The following LIPA variants were observed in gnomAD, a reference collection of about 807,000 sequenced individuals.
The protein encoded by LIPA is lipase A, lysosomal acid type, also known as lysosomal acid lipase/cholesteryl ester hydrolase.
Under a neutral mutation model 40.6 loss-of-function variants are expected in LIPA, and 26 were observed. That is an observed-to-expected ratio of 0.64 (90% CI 0.47 to 0.89). The LOEUF is 0.89. Among genes scored for constraint, LIPA ranks in the 40% least tolerant of loss-of-function variants. The pLI is 0.00. For missense variants in LIPA, 455 were observed against 479.6 expected, an observed-to-expected ratio of 0.95 and a Z score of 0.48; for synonymous variants, 188 against 168.4, an observed-to-expected ratio of 1.12 and a Z score of -0.90.
At chr10:89,407,842 G>A (rs1841436415) in intron 2 of LIPA, among the ~76,000 whole-genome samples, 1 of 150,926 alleles carries the variant, frequency 6.6e-6, no homozygotes, top group South Asian at 2.1e-4. Flanking sequence ...AGAATGTGTA[G>A]GTAAGGGCCA....
upstream of LIPA, among the ~76,000 whole-genome samples, chr10:89,253,321 G>C (rs974329337): frequency 6.6e-6 from 1 of 152,174 alleles, no homozygotes; most frequent in Admixed American, 6.5e-5. Context: ...GACTGGGGAG[G>C]CCTCACAATC....
At chr10:89,333,779 C>CT (rs1231519866) in intron 1 of LIPA, among the ~76,000 whole-genome samples, 1 of 152,224 alleles carries the variant, frequency 6.6e-6, no homozygotes, top group African/African-American at 2.4e-5. Context: ...TTCCCAGAGC[C>CT]TTGCTGCTCA....
At chr10:89,253,510 CAT>C (rs1049062643), upstream of LIPA, among the ~76,000 whole-genome samples, 3 of 152,330 alleles carry the variant, frequency 2.0e-5, no homozygotes, top group African/African-American at 7.2e-5. Context: ...CCTCCCACAA[CAT>C]GTGGGAATTA....
At chr10:89,232,643 T>C (rs1237376916) in intron 3 of LIPA, among the ~76,000 whole-genome samples, 1 of 152,052 alleles carries the variant, frequency 6.6e-6, no homozygotes, top group Non-Finnish European at 1.5e-5. Context: ...AGGAGGGTGA[T>C]ATGTGGCAGC....
In LIPA at chr10:89,223,769, T is replaced by C. The variant is rs762794648; in HGVS notation, c.737A>G (p.His246Arg). 7 of 1,613,904 alleles carry C rather than the reference T, an allele frequency of 4.3e-6. No homozygotes were observed. Among genetic ancestry groups the C allele is most frequent in the Non-Finnish European group, 1.7e-6 (2 of 1,179,818 alleles). The change falls in exon 7 of 10, where the codon CAC (histidine) becomes CGC (arginine). Residue 246 changes from histidine (H) to arginine (R), a missense_variant. Physicochemically the swap from His to Arg is conservative, Grantham distance 29 (BLOSUM62 0). Transcript: ENST00000336233. ...CTTCAGTATGACATGAGTGCAAACG[T>C]GGGTACCCAGCCACTTCAAAAACGC... ...QSAFLKWLGT[H>R]VCTHVILKEL...
chr10:89,282,655 A>G (rs1016998746), intron 1 of LIPA, among the ~76,000 whole-genome samples: 4 of 152,118 alleles, frequency 2.6e-5, no homozygotes, highest in Admixed American at 1.3e-4. Flanking sequence ...AAATAAAAAA[A>G]AAAGAAAGAA....
chr10:89,273,893 A>G (rs1171196214), intron 1 of LIPA, among the ~76,000 whole-genome samples: 1 of 152,228 alleles, frequency 6.6e-6, no homozygotes, highest in African/African-American at 2.4e-5. Context: ...GTTTTTGTAA[A>G]TAAAGTTTTA....
At chr10:89,341,127 G>A (rs1255236503) in intron 1 of LIPA, among the ~76,000 whole-genome samples, 1 of 152,122 alleles carries the variant, frequency 6.6e-6, no homozygotes, top group Non-Finnish European at 1.5e-5. Context: ...CCCTCCCCCT[G>A]AAGGCAGCCT....
chr10:89,234,369 A>T (rs1332292035), intron 3 of LIPA, among the ~76,000 whole-genome samples: 1 of 152,202 alleles, frequency 6.6e-6, no homozygotes, highest in Non-Finnish European at 1.5e-5. Context: ...GTTTCCTTTC[A>T]TCCCAGAACA....
intron 1 of LIPA, among the ~76,000 whole-genome samples, chr10:89,301,466 T>C (rs193043579): frequency 6.6e-6 from 1 of 152,172 alleles, no homozygotes; most frequent in Non-Finnish European, 1.5e-5. Flanking sequence ...TGTAAATGTG[T>C]CCTCCTAGGA....
chr10:89,391,957 G>T (rs187051144), intron 2 of LIPA, among the ~76,000 whole-genome samples: 73 of 152,302 alleles, frequency 4.8e-4, no homozygotes, highest in African/African-American at 1.7e-3. Flanking sequence ...AGTGGAGGTT[G>T]TACTGGAATT....
At chr10:89,340,809 T>C (rs931787323) in intron 1 of LIPA, 1 of 152,178 alleles carries the variant, frequency 6.6e-6, no homozygotes, top group South Asian at 2.1e-4. Flanking sequence ...CATCCAGACT[T>C]CTGGAACTCA....
At chr10:89,215,329 G>T (rs1487891891) in intron 9 of LIPA, among the ~76,000 whole-genome samples, 1 of 152,170 alleles carries the variant, frequency 6.6e-6, no homozygotes, top group Non-Finnish European at 1.5e-5. Context: ...TTAATCCCCG[G>T]CAAGGAAGGT....
At position 89,231,744 on chromosome 10, in the gene LIPA, C is replaced by T. The variant is rs185944008; in HGVS notation, c.230-3346G>A. Among the ~76,000 whole-genome samples the T allele has an allele frequency of 7.8e-4, 119 of 152,250 alleles. 1 individual carries two copies. Among genetic ancestry groups the T allele is most frequent in the Non-Finnish European group, 1.2e-3 (79 of 68,022 alleles). ...TCTCTCGCCTTGGCCTCTCAAAGTG[C>T]GGGGATTACAGAAGTGAAACATCAT... is the stretch of plus-strand genomic sequence containing the variant. On this transcript the variant is annotated intron_variant, in intron 3 of 9. Transcript: ENST00000336233.
At position 89,393,414 on chromosome 10, in the gene LIPA, G is replaced by A. The variant is rs1465971179; in HGVS notation, c.61+19377C>T. 9 of 737,582 alleles carry A rather than the reference G, an allele frequency of 1.2e-5. No homozygotes were observed. The East Asian group carries it at 5.4e-4, about 44-fold the overall frequency. 45.7% of individuals were successfully genotyped at this position (737,582 alleles called of 1,614,324 possible). A position where few individuals can be genotyped will look rare whatever the true frequency, so the allele number is the denominator to read the frequency against. ...ATCTTCCTTACCTAAAGGGCCTAAT[G>A]TGGGAATTTCTCAGCTGATTTAAAA... On this transcript the variant is annotated intron_variant, in intron 2 of 8. Coordinates refer to the LIPA transcript ENST00000371837.
intron 1 of LIPA, among the ~76,000 whole-genome samples, chr10:89,257,812 G>C (rs999912671): frequency 6.6e-6 from 1 of 152,248 alleles, no homozygotes; most frequent in Non-Finnish European, 1.5e-5. Context: ...GGAGCAGAGA[G>C]AGCTGAAGAG....
intron 3 of LIPA, among the ~76,000 whole-genome samples, chr10:89,231,934 C>G (rs1005858242): frequency 1.3e-5 from 2 of 152,132 alleles, no homozygotes; most frequent in Non-Finnish European, 2.9e-5. Flanking sequence ...ATTAACAAGA[C>G]TAAATTTACT....
At chr10:89,340,158 C>T (rs1412332816) in intron 1 of LIPA, 3 of 1,541,172 alleles carry the variant, frequency 1.9e-6, no homozygotes, top group Admixed American at 2.1e-5. Context: ...GCATCAGAAG[C>T]CTGCAGTGGT....
intron 3 of LIPA, among the ~76,000 whole-genome samples, chr10:89,241,262 C>T (rs1158150765): frequency 6.6e-6 from 1 of 152,178 alleles, no homozygotes. Context: ...GCTGACCTCA[C>T]TTATGCTGCT....
Sources: allele counts gnomAD v4.1 joint callset (sites outside exome capture counted in the v4.1 genomes callset), GRCh38; gene constraint gnomAD v4.1.1; transcripts MANE v1.5; gene names NCBI Gene and HGNC (gene_info 2026-07-23, HGNC 2026-07-21).